The following RHOT1 variants were observed in gnomAD, a reference collection of about 807,000 sequenced individuals.
The protein encoded by RHOT1 is mitochondrial Rho GTPase 1.
In RHOT1, 27 loss-of-function variants were observed where a neutral mutation model predicts 95.3. That is an observed-to-expected ratio of 0.28 (90% CI 0.21 to 0.39). The LOEUF (loss-of-function observed/expected upper bound fraction) is 0.39. RHOT1 is among the 10% of genes least tolerant of loss of function. The pLI is 1.00. For missense variants in RHOT1, 578 were observed against 786.7 expected (o/e 0.73, Z 3.17); for synonymous variants, 227 against 263.5 (o/e 0.86, Z 1.34).
chr17:32,203,269 CT>C (rs940216011), intron 15 of RHOT1, among the ~76,000 whole-genome samples: 84 of 72,330 alleles, frequency 1.2e-3, no homozygotes, highest in East Asian at 6.1e-3. Context: ...TCTTCTTCTT[CT>C]TTTTTTTTTT....
At chr17:32,170,432 T>A (rs1273837050) in intron 1 of RHOT1, among the ~76,000 whole-genome samples, 1 of 152,142 alleles carries the variant, frequency 6.6e-6, no homozygotes, top group Non-Finnish European at 1.5e-5. Flanking sequence ...AAAAGAGATT[T>A]AAAAAAATAT....
chr17:32,149,696 C>A (rs2032028472), intron 1 of RHOT1, among the ~76,000 whole-genome samples: 1 of 142,474 alleles, frequency 7.0e-6, no homozygotes, highest in African/African-American at 2.6e-5. Context: ...CACTCACACA[C>A]ATATATATAC....
At chr17:32,150,502 A>G in intron 1 of RHOT1, 1 of 1,291,340 alleles carries the variant, frequency 7.7e-7, no homozygotes, top group Non-Finnish European at 1.1e-6. Context: ...GTAGTCTTTA[A>G]AGCCTTGCCT....
At chr17:32,195,140 TAA>T (rs1165915297) in intron 11 of RHOT1, among the ~76,000 whole-genome samples, 6 of 150,786 alleles carry the variant, frequency 4.0e-5, no homozygotes, top group Non-Finnish European at 8.9e-5. Context: ...TTTTTTTCCC[TAA>T]GAGACAAGGT....
chr17:32,151,461 TGAAA>T (rs1327794482), intron 1 of RHOT1: 1 of 627,060 alleles, frequency 1.6e-6, no homozygotes, highest in African/African-American at 1.9e-5. Context: ...TTCCTGTTGA[TGAAA>T]GAGTCTAGCT....
rs113295992 is a variant in RHOT1, at chr17:32,149,736, T to TAC, written c.37+7023_37+7024dup. Among the ~76,000 whole-genome samples the TAC allele has an allele frequency of 9.2e-3, 1,324 of 144,328 alleles. 8 individuals carry two copies. The highest frequency in any genetic ancestry group is 0.014 in the Middle Eastern group (4 of 284). The allele number at this position is 144,328 out of a possible 152,430, so 94.7% of individuals were successfully genotyped here. On this transcript the variant is annotated intron_variant, in intron 1 of 19. Transcript: ENST00000545287. ...ATACACATATATATACACATATATA[T>TAC]ACACACACACACACACATATATATA...
chr17:32,201,023 A>G lies in RHOT1; in HGVS notation c.1168A>G (p.Thr390Ala). ...YLGYLGYSIL[T>A]EQESQASAVT... is the part of the protein sequence containing the mutation. The stretch of plus-strand genomic sequence containing the variant: ...GGGCTATCTAGGCTATTCAATATTG[A>G]CTGAGCAAGAGTCTCAAGCTTCAGC... Residue 390 changes from threonine to alanine, a missense_variant, in exon 14 of 20, where the codon ACT becomes GCT. Coordinates refer to ENST00000545287, the MANE Select transcript of RHOT1 (RefSeq NM_001033566.3). The G allele has an allele frequency of 6.2e-7, 1 of 1,610,702 alleles. No individual in the cohort carries two copies. Among genetic ancestry groups the G allele is most frequent in the Non-Finnish European group, 8.5e-7 (1 of 1,178,090 alleles).
chr17:32,169,484 C>T (rs2034390207), intron 1 of RHOT1, among the ~76,000 whole-genome samples: 1 of 152,094 alleles, frequency 6.6e-6, no homozygotes, highest in African/African-American at 2.4e-5. Context: ...TTTGCTTTTA[C>T]CTTGTTACTA....
At chr17:32,168,360 C>T (rs552026833) in intron 1 of RHOT1, among the ~76,000 whole-genome samples, 2 of 152,172 alleles carry the variant, frequency 1.3e-5, no homozygotes, top group East Asian at 3.9e-4. Context: ...GCCTCCAACT[C>T]CTGGGCTCAA....
At chr17:32,210,095 C>T (rs1297694812) in intron 18 of RHOT1, among the ~76,000 whole-genome samples, 1 of 151,994 alleles carries the variant, frequency 6.6e-6, no homozygotes, top group African/African-American at 2.4e-5. Flanking sequence ...CATCAGATCT[C>T]ATAAGCTAAG....
intron 1 of RHOT1, among the ~76,000 whole-genome samples, chr17:32,168,828 C>A (rs1372416303): frequency 1.3e-5 from 2 of 152,010 alleles, no homozygotes; most frequent in Admixed American, 6.6e-5. Flanking sequence ...TTTAGTAAGA[C>A]TTAGAAAATG....
chr17:32,171,552 A>G (rs1486135232), intron 2 of RHOT1, among the ~76,000 whole-genome samples: 2 of 152,334 alleles, frequency 1.3e-5, no homozygotes, highest in Non-Finnish European at 1.5e-5. Flanking sequence ...TGTCTCATCT[A>G]TAAAATGGAA....
chr17:32,208,398 A>G, intron 18 of RHOT1, 89 bp downstream of exon 18: 1 of 1,280,358 alleles, frequency 7.8e-7, no homozygotes, highest in Non-Finnish European at 1.1e-6. Context: ...TTTGTCACAT[A>G]GGAATTGTTC....
chr17:32,174,296 C>G (rs974962582), intron 3 of RHOT1, among the ~76,000 whole-genome samples: 1 of 152,060 alleles, frequency 6.6e-6, no homozygotes, highest in South Asian at 2.1e-4. Context: ...AATTTAAATA[C>G]TTTTGATATT....
In RHOT1 at chr17:32,217,549, G is replaced by A. The variant is rs1364194241; in HGVS notation, c.1862+6311G>A. Among the ~76,000 whole-genome samples, 3 of 152,220 alleles carry A rather than the reference G, an allele frequency of 2.0e-5. No homozygotes were observed. The East Asian group carries it at 5.8e-4, about 30-fold the overall frequency. On this transcript the variant is annotated intron_variant, in intron 19 of 19. Coordinates refer to ENST00000545287, the MANE Select transcript of RHOT1 (RefSeq NM_001033566.3). The stretch of plus-strand genomic sequence containing the variant: ...AGGAGGGCAGATCACGAGGTCAAGA[G>A]ATTGAGACCATCCTGGCCAACATGG...
chr17:32,167,710 G>A (rs2034217173), intron 1 of RHOT1, among the ~76,000 whole-genome samples: 1 of 152,138 alleles, frequency 6.6e-6, no homozygotes, highest in African/African-American at 2.4e-5. Flanking sequence ...CTGCTCTCTA[G>A]CTATCGATGG....
At chr17:32,168,768 T>C (rs1479847299) in intron 1 of RHOT1, among the ~76,000 whole-genome samples, 1 of 152,122 alleles carries the variant, frequency 6.6e-6, no homozygotes, top group Non-Finnish European at 1.5e-5. Context: ...GAGAAAGCAT[T>C]GGCTTGGCCA....
At chr17:32,201,168 CTCTAT>C in intron 14 of RHOT1, 112 bp downstream of exon 14, 1 of 578,294 alleles carries the variant, frequency 1.7e-6, no homozygotes, top group South Asian at 2.2e-5. Context: ...TCCATCTACA[CTCTAT>C]TAGTTTTCCT....
chr17:32,183,477 A>G (rs935543237), intron 8 of RHOT1, among the ~76,000 whole-genome samples: 15 of 152,256 alleles, frequency 9.9e-5, no homozygotes, highest in Non-Finnish European at 2.9e-5. Flanking sequence ...ATGGAATCTA[A>G]TCAAGTACTG....
Sources: gnomAD v4.1 joint callset for allele counts (sites outside exome capture counted in the v4.1 genomes callset) on GRCh38, gnomAD v4.1.1 for gene constraint, MANE v1.5 for transcripts, NCBI Gene and HGNC (gene_info 2026-07-23, HGNC 2026-07-21) for gene names.